CPED1: variants seen among roughly 807,000 people sequenced by gnomAD.
The protein encoded by CPED1 is cadherin like and PC-esterase domain containing 1.
Under a neutral mutation model 128.2 loss-of-function variants are expected in CPED1, and 114 were observed. The ratio of observed to expected loss-of-function variants is 0.89; its 90% CI spans 0.76 to 1.04. The LOEUF is 1.04. CPED1 is among the 50% of genes least tolerant of loss of function. The pLI is 0.00. For missense variants in CPED1, 1,211 were observed against 1,207.1 expected, an observed-to-expected ratio of 1.00 and a Z score of -0.05; for synonymous variants, 462 against 426.7, an observed-to-expected ratio of 1.08 and a Z score of -1.02.
rs976298128 is a variant in CPED1, at chr7:121,212,468, C to T, written c.2056-24246C>T. ...CTTAGAAAGCCTGTCAGCCTCCTAT[C>T]CTCCTGGTGAACTTCAATATACTTC... is the stretch of plus-strand genomic sequence containing the variant. On this transcript the variant is annotated intron_variant, in intron 16 of 22. Coordinates refer to ENST00000310396, the MANE Select transcript of CPED1 (RefSeq NM_024913.5). Among the ~76,000 whole-genome samples, 5 of 152,068 alleles carry T rather than the reference C, an allele frequency of 3.3e-5. No individual in the cohort carries two copies. The East Asian group carries it at 7.7e-4, about 24-fold the overall frequency.
chr7:121,147,593 G>A (rs1193419171), intron 16 of CPED1, among the ~76,000 whole-genome samples: 2 of 151,964 alleles, frequency 1.3e-5, no homozygotes, highest in African/African-American at 2.4e-5. Context: ...TTGACATGGG[G>A]AACAATATAA....
rs775438617 is a variant in CPED1, at chr7:121,244,280, A to G, written c.2252A>G (p.Asn751Ser). 6.2e-7 allele frequency: 1 copy of G among 1,613,968 alleles called. No individual in the cohort carries two copies. The highest frequency in any genetic ancestry group is 8.5e-7 in the Non-Finnish European group (1 of 1,179,906). ...DWREITWQPH[N>S]CQYGVLTKPQ... ...AGAGAAATAACCTGGCAGCCCCACA[A>G]CTGCCAATATGGTGTCCTAACTAAG... is the stretch of plus-strand genomic sequence containing the variant. Residue 751 changes from asparagine to serine, a missense_variant, in exon 18 of 23, where the codon AAC (asparagine) becomes AGC (serine). Coordinates refer to ENST00000310396, the MANE Select transcript of CPED1 (RefSeq NM_024913.5).
chr7:121,195,377 C>T (rs1797248657), intron 16 of CPED1, among the ~76,000 whole-genome samples: 2 of 152,058 alleles, frequency 1.3e-5, no homozygotes, highest in Non-Finnish European at 2.9e-5. Context: ...TATGAAAACC[C>T]ATATTGAAAC....
At chr7:121,295,140 AACACACACACACACAC>A (rs35927183) in intron 22 of CPED1, among the ~76,000 whole-genome samples, 5 of 145,786 alleles carry the variant, frequency 3.4e-5, no homozygotes, top group East Asian at 4.1e-4. Flanking sequence ...CTGGCCTGAA[AACACACACACACACAC>A]ACACACACAC....
At chr7:121,260,457 C>A (rs1286711003) in intron 18 of CPED1, among the ~76,000 whole-genome samples, 1 of 151,820 alleles carries the variant, frequency 6.6e-6, no homozygotes, top group Non-Finnish European at 1.5e-5. Context: ...GCCGTCTGAC[C>A]AGTCTCAGCT....
At chr7:121,191,925 G>T (rs1797150113) in intron 16 of CPED1, among the ~76,000 whole-genome samples, 1 of 152,042 alleles carries the variant, frequency 6.6e-6, no homozygotes, top group Non-Finnish European at 1.5e-5. Flanking sequence ...CTCTTGTCTA[G>T]GTGGCAGGAA....
chr7:121,158,019 G>A (rs1479261366), intron 16 of CPED1, among the ~76,000 whole-genome samples: 1 of 152,048 alleles, frequency 6.6e-6, no homozygotes, highest in East Asian at 1.9e-4. Flanking sequence ...TTTGATGAAA[G>A]GGATGCATTA....
chr7:121,024,825 A>C (rs1792534426), intron 3 of CPED1, among the ~76,000 whole-genome samples: 2 of 152,130 alleles, frequency 1.3e-5, no homozygotes, highest in Admixed American at 1.3e-4. Flanking sequence ...TTGAGGAAAG[A>C]CTCCAGGAAA....
At chr7:120,989,071 A>G (rs1423742616) in intron 1 of CPED1, 159 bp downstream of exon 1, 1 of 154,432 alleles carries the variant, frequency 6.5e-6, no homozygotes, top group Non-Finnish European at 1.4e-5. Flanking sequence ...GAAGGGAAGC[A>G]TACAAAAGGC....
intron 16 of CPED1, among the ~76,000 whole-genome samples, chr7:121,228,566 A>G (rs1326469990): frequency 7.4e-6 from 1 of 135,490 alleles, no homozygotes; most frequent in African/African-American, 2.8e-5. Context: ...GCTACTATGG[A>G]CAATGATATG....
At chr7:121,128,632 C>T (rs1795569656) in intron 11 of CPED1, 146 bp downstream of exon 11, 1 of 568,042 alleles carries the variant, frequency 1.8e-6, no homozygotes, top group Non-Finnish European at 3.2e-6. Context: ...TTTCAGAGAT[C>T]TAAGTAGCAA....
At chr7:121,034,238 T>G (rs1792820039) in intron 3 of CPED1, among the ~76,000 whole-genome samples, 2 of 82,264 alleles carry the variant, frequency 2.4e-5, no homozygotes. Flanking sequence ...AGACATCAAG[T>G]TTTTTTTTCT....
At chr7:121,270,265 CT>C (rs1792206466) in intron 21 of CPED1, among the ~76,000 whole-genome samples, 2 of 152,054 alleles carry the variant, frequency 1.3e-5, no homozygotes, top group Non-Finnish European at 2.9e-5. Flanking sequence ...ATTTAAATTA[CT>C]TATGGATTCT....
At chr7:121,053,965 T>A (rs1035324361) in intron 4 of CPED1, among the ~76,000 whole-genome samples, 1 of 152,222 alleles carries the variant, frequency 6.6e-6, no homozygotes, top group Non-Finnish European at 1.5e-5. Context: ...GTTCTTTCCT[T>A]GGACATTTCC....
intron 3 of CPED1, among the ~76,000 whole-genome samples, chr7:121,021,489 T>G (rs1792441078): frequency 1.3e-5 from 2 of 152,082 alleles, no homozygotes; most frequent in Non-Finnish European, 2.9e-5. Context: ...GGAAAACATA[T>G]TTCACATTTT....
intron 2 of CPED1, among the ~76,000 whole-genome samples, chr7:121,007,231 ATTT>A (rs398006038): frequency 4.6e-5 from 6 of 129,810 alleles, no homozygotes; most frequent in African/African-American, 1.8e-4. Context: ...TTCAGGTTGC[ATTT>A]TTTTTTTTTT....
Position 121,130,321 on chromosome 7 carries a change from A to G in CPED1, c.1577+27A>G, listed in dbSNP as rs781587362. The G allele has an allele frequency of 3.2e-6, 5 of 1,555,546 alleles. No homozygotes were observed. The African/African-American group carries it at 5.6e-5, about 17-fold the overall frequency. The stretch of plus-strand genomic sequence containing the variant: ...TAAGATAGCCACAAATTTGAATTGT[A>G]CAATCCAAAAAATCTCTAGTTTACA... On this transcript the variant is annotated intron_variant, in intron 12 of 22. Transcript: ENST00000310396.
In CPED1 at chr7:121,133,912, C is replaced by CA; in HGVS notation, c.1648+19_1648+20insA. 4 of 1,364,322 alleles carry CA rather than the reference C, an allele frequency of 2.9e-6. No homozygotes were observed. The highest frequency in any genetic ancestry group is 4.1e-6 in the Non-Finnish European group (4 of 978,322). 84.5% of individuals were successfully genotyped at this position (1,364,322 alleles called of 1,614,324 possible). A position where few individuals can be genotyped will look rare whatever the true frequency, so the allele number is the denominator to read the frequency against. On this transcript the variant is annotated intron_variant, in intron 13 of 22. Transcript: ENST00000310396. ...AAAAAAGGTAAAAATATAGATATTC[C>CA]CACTTATTTCAACATAAAAATAAGT... is the stretch of plus-strand genomic sequence containing the variant.
intron 15 of CPED1, 89 bp downstream of exon 15, chr7:121,141,102 A>G (rs1222297773): frequency 1.9e-6 from 2 of 1,025,970 alleles, no homozygotes; most frequent in African/African-American, 3.4e-5. Flanking sequence ...AGAAAAGCTG[A>G]TTCATAAGAT....
Sources: allele counts gnomAD v4.1 joint callset (sites outside exome capture counted in the v4.1 genomes callset), GRCh38; gene constraint gnomAD v4.1.1; transcripts MANE v1.5; gene names NCBI Gene and HGNC (gene_info 2026-07-23, HGNC 2026-07-21).